Variants in UBR3 observed in about 807,000 individuals in gnomAD.
UBR3 encodes the protein E3 ubiquitin-protein ligase UBR3.
Under a neutral mutation model 243.2 loss-of-function variants are expected in UBR3, and 85 were observed. That is an observed-to-expected ratio of 0.35 (90% CI 0.29 to 0.42). UBR3 has a LOEUF of 0.42. UBR3 is among the 10% of genes least tolerant of loss of function. UBR3 has a pLI of 1.00. For missense variants in UBR3, 1,686 were observed against 2,300.8 expected (o/e 0.73, Z 5.47); for synonymous variants, 748 against 799.8 (o/e 0.94, Z 1.09).
intron 35 of UBR3, among the ~76,000 whole-genome samples, chr2:170,063,277 T>C (rs2091489429): frequency 6.6e-6 from 1 of 152,094 alleles, no homozygotes; most frequent in Non-Finnish European, 1.5e-5. Flanking sequence ...TAGGGAAAAC[T>C]TAATAGAAGG....
chr2:170,076,996 C>T (rs975141688), intron 36 of UBR3, among the ~76,000 whole-genome samples: 3 of 152,180 alleles, frequency 2.0e-5, no homozygotes, highest in East Asian at 1.9e-4. Flanking sequence ...TGTTATAAAC[C>T]GTACTAGAGG....
intron 32 of UBR3, among the ~76,000 whole-genome samples, chr2:170,041,278 G>A (rs111253896): frequency 8.5e-4 from 129 of 152,230 alleles, no homozygotes; most frequent in African/African-American, 2.9e-3. Flanking sequence ...AATAGTAATC[G>A]TATCTAAAAA....
chr2:170,001,939 A>AAAAAAAAAAAAAAG (rs1553531165), intron 27 of UBR3, among the ~76,000 whole-genome samples: 21 of 116,200 alleles, frequency 1.8e-4, no homozygotes, highest in African/African-American at 5.7e-4. Flanking sequence ...AAAAAAAAAA[A>AAAAAAAAAAAAAAG]AAAGAAAGAA....
chr2:169,948,610 G>C (rs957000807), intron 22 of UBR3, among the ~76,000 whole-genome samples: 1 of 151,986 alleles, frequency 6.6e-6, no homozygotes, highest in Non-Finnish European at 1.5e-5. Flanking sequence ...CTTGGTCTTT[G>C]ACAACGTGTT....
rs538966620 is a variant in UBR3 at position 169,960,649 on chromosome 2, G to A, written c.3634+2123G>A. Among the ~76,000 whole-genome samples the A allele has an allele frequency of 3.3e-5, 5 of 151,740 alleles. No individual in the cohort carries two copies. The South Asian group carries it at 6.2e-4, about 19-fold the overall frequency. On this transcript the variant is annotated intron_variant, in intron 24 of 38. Coordinates refer to ENST00000272793, the MANE Select transcript of UBR3 (RefSeq NM_172070.4). ...TTGTAGTAGTCAGTATCTTGATACC[G>A]CTTCATATAAAATGAACTAATAAGC...
At chr2:170,044,757 T>C (rs1186475702) in intron 32 of UBR3, among the ~76,000 whole-genome samples, 1 of 152,128 alleles carries the variant, frequency 6.6e-6, no homozygotes, top group Non-Finnish European at 1.5e-5. Flanking sequence ...ACCAGATTCT[T>C]TATGGTATGG....
intron 8 of UBR3, among the ~76,000 whole-genome samples, chr2:169,902,679 G>A (rs1195514414): frequency 2.0e-5 from 3 of 151,340 alleles, no homozygotes; most frequent in Non-Finnish European, 2.9e-5. Flanking sequence ...GCACAATCTC[G>A]GCTCACTGCA....
At chr2:170,068,445 G>GTGAC (rs1404664573) in intron 35 of UBR3, among the ~76,000 whole-genome samples, 3 of 152,152 alleles carry the variant, frequency 2.0e-5, no homozygotes, top group Non-Finnish European at 4.4e-5. Flanking sequence ...TCCAGTCTGG[G>GTGAC]TGACAGAGCG....
intron 31 of UBR3, among the ~76,000 whole-genome samples, chr2:170,035,540 G>A (rs993560684): frequency 1.3e-5 from 2 of 151,894 alleles, no homozygotes; most frequent in African/African-American, 2.4e-5. Flanking sequence ...TTTTTTGCTA[G>A]TACCATATTG....
At chr2:169,919,843 C>G (rs1192809394) in intron 11 of UBR3, among the ~76,000 whole-genome samples, 1 of 152,106 alleles carries the variant, frequency 6.6e-6, no homozygotes, top group Non-Finnish European at 1.5e-5. Context: ...GAAATAGGAA[C>G]ACTTTTACAC....
Position 170,073,325 on chromosome 2 carries a change from A to T in UBR3, c.5020-103A>T, listed in dbSNP as rs1372024647. 5.1e-6 allele frequency: 7 copies of T among 1,360,360 alleles called. 1 individual carries two copies. The highest frequency in any genetic ancestry group is 4.3e-5 in the Admixed American group (2 of 46,046). The allele number at this position is 1,360,360 out of a possible 1,614,324, so 84.3% of individuals were successfully genotyped here. On this transcript the variant is annotated intron_variant, in intron 35 of 38. Transcript: ENST00000272793. ...TTTTTTCAGTTGACTCAGTTAAGAAAGTTTTCTTATTGTCTCAAAGTAATT... is the reference window on the plus strand; with the variant it reads ...TTTTTTCAGTTGACTCAGTTAAGAATGTTTTCTTATTGTCTCAAAGTAATT...
intron 1 of UBR3, among the ~76,000 whole-genome samples, chr2:169,853,447 TTCTTCC>T (rs1219755263): frequency 6.6e-6 from 1 of 151,530 alleles, no homozygotes; most frequent in Non-Finnish European, 1.5e-5. Flanking sequence ...CCTCTTTTTC[TTCTTCC>T]TCTTCTTTTT....
chr2:170,075,035 A>G (rs1050706225), intron 36 of UBR3, among the ~76,000 whole-genome samples: 1 of 152,174 alleles, frequency 6.6e-6, no homozygotes, highest in African/African-American at 2.4e-5. Flanking sequence ...CAAAGGGACA[A>G]TAAAAAATTA....
At chr2:169,878,361 CAAA>C (rs34505529) in intron 4 of UBR3, among the ~76,000 whole-genome samples, 161 bp from the exon 5 acceptor site, 3 of 118,624 alleles carry the variant, frequency 2.5e-5, no homozygotes, top group African/African-American at 3.7e-5. Flanking sequence ...AATCCCGTCT[CAAA>C]AAAAAAAAAA....
intron 27 of UBR3, 31 bp downstream of exon 27, chr2:170,001,445 G>T (rs778771206): frequency 2.3e-6 from 3 of 1,332,106 alleles, no homozygotes; most frequent in Non-Finnish European, 1.1e-6. Context: ...TTTTAAAGGT[G>T]CATGTATCTT....
intron 27 of UBR3, 27 bp from the exon 28 acceptor site, chr2:170,006,963 C>T (rs752055855): frequency 1.2e-6 from 2 of 1,601,924 alleles, no homozygotes; most frequent in Non-Finnish European, 1.7e-6. Flanking sequence ...GTATATCACG[C>T]ATCTGTATGT....
intron 31 of UBR3, among the ~76,000 whole-genome samples, chr2:170,034,617 A>G (rs552121785): frequency 6.6e-6 from 1 of 152,176 alleles, no homozygotes; most frequent in African/African-American, 2.4e-5. Flanking sequence ...GCAATTATGA[A>G]TAAAGCTGCT....
intron 37 of UBR3, 103 bp from the exon 38 acceptor site, chr2:170,080,442 A>G (rs1278405648): frequency 1.7e-6 from 2 of 1,160,684 alleles, no homozygotes; most frequent in East Asian, 5.2e-5. Context: ...AAATCTTACT[A>G]TTTTTAAATC....
At chr2:169,886,105 C>T (rs1238898673) in intron 5 of UBR3, among the ~76,000 whole-genome samples, 7 of 148,222 alleles carry the variant, frequency 4.7e-5, no homozygotes, top group East Asian at 2.0e-4. Flanking sequence ...TGAAGTGAGC[C>T]GAGATCGCGC....
Sources: gnomAD v4.1 joint callset for allele counts (sites outside exome capture counted in the v4.1 genomes callset) on GRCh38, gnomAD v4.1.1 for gene constraint, MANE v1.5 for transcripts, NCBI Gene and HGNC (gene_info 2026-07-23, HGNC 2026-07-21) for gene names.